MID1: variants seen among roughly 807,000 people sequenced by gnomAD.
MID1 encodes midline 1.
Under a neutral mutation model 40.4 loss-of-function variants are expected in MID1, and 7 were observed. The observed-to-expected ratio is 0.17, with a 90% CI of 0.10 to 0.33. The LOEUF (loss-of-function observed/expected upper bound fraction) is 0.33, where lower values mean the gene tolerates loss of function less well. Among genes scored for constraint, MID1 ranks in the 10% least tolerant of loss-of-function variants. The pLI is 1.00. For missense variants in MID1, 367 were observed against 558.5 expected, an observed-to-expected ratio of 0.66 and a Z score of 3.46; for synonymous variants, 229 against 221.2, an observed-to-expected ratio of 1.04 and a Z score of -0.31.
chrX:10,524,730 A>G (rs1021539641), intron 2 of MID1, among the ~76,000 whole-genome samples: 1 of 112,466 alleles, frequency 8.9e-6, no homozygotes, highest in East Asian at 2.8e-4. Flanking sequence ...GCTGCAAACA[A>G]GAGAAGGGAA....
chrX:10,474,360 C>T (rs1929882673), intron 6 of MID1, among the ~76,000 whole-genome samples: 2 of 111,726 alleles, frequency 1.8e-5, no homozygotes, highest in Admixed American at 1.9e-4. Flanking sequence ...TTAGCACCCA[C>T]ACCTTGAGAG....
chrX:10,590,957 A>T lies in MID1; in HGVS notation c.-56-23354T>A, dbSNP rs184946861. 2.4e-4 allele frequency among the ~76,000 whole-genome samples: 27 copies of T among 112,154 alleles called. No homozygotes were observed. In the East Asian group the frequency reaches 7.5e-3, roughly 31 times the overall value. On this transcript the variant is annotated intron_variant, in intron 1 of 9. Coordinates refer to ENST00000317552, the MANE Select transcript of MID1 (RefSeq NM_000381.4). ...TTTCATTTTAAACAATTTAATTCTC[A>T]TTGAAATGCATTTTAAGTGTGAGTT...
intron 1 of MID1, among the ~76,000 whole-genome samples, chrX:10,594,811 A>G (rs1935381575): frequency 8.9e-6 from 1 of 112,095 alleles, no homozygotes; most frequent in South Asian, 3.7e-4. Flanking sequence ...ACCATACAAG[A>G]CAAAGAATAT....
intron 1 of MID1, among the ~76,000 whole-genome samples, chrX:10,748,347 C>T (rs1031830908): frequency 1.2e-4 from 13 of 111,845 alleles, no homozygotes; most frequent in Non-Finnish European, 2.3e-4. Flanking sequence ...ATTAGGTATA[C>T]TTTGTGGAGT....
intron 1 of MID1, among the ~76,000 whole-genome samples, chrX:10,726,056 A>G (rs2043388426): frequency 8.9e-6 from 1 of 111,864 alleles, no homozygotes; most frequent in East Asian, 2.8e-4. Context: ...AAAAGCCACT[A>G]TGTATTTTAA....
intron 1 of MID1, among the ~76,000 whole-genome samples, chrX:10,716,587 C>T (rs1433527325): frequency 8.9e-6 from 1 of 111,830 alleles, no homozygotes; most frequent in East Asian, 2.8e-4. Flanking sequence ...CTGAAAGTGA[C>T]GGGGAGAATG....
At chrX:10,713,071 G>A (rs2043279634) in intron 1 of MID1, among the ~76,000 whole-genome samples, 1 of 111,177 alleles carries the variant, frequency 9.0e-6, no homozygotes, top group African/African-American at 3.3e-5. Context: ...TCCTGACCTT[G>A]TGATCCACCC....
intron 7 of MID1, among the ~76,000 whole-genome samples, chrX:10,462,966 A>C (rs1268836980): frequency 8.9e-6 from 1 of 112,153 alleles, no homozygotes; most frequent in Non-Finnish European, 1.9e-5. Flanking sequence ...AATTAAAAAC[A>C]GATAACTACT....
chrX:10,828,853 C>T (rs1230650175), intron 1 of MID1, among the ~76,000 whole-genome samples: 1 of 112,487 alleles, frequency 8.9e-6, no homozygotes, highest in Non-Finnish European at 1.9e-5. Flanking sequence ...ACTGATTGGC[C>T]TCATGCCCAG....
At chrX:10,529,197 C>A (rs889570080) in intron 2 of MID1, among the ~76,000 whole-genome samples, 1 of 111,907 alleles carries the variant, frequency 8.9e-6, no homozygotes, top group East Asian at 2.8e-4. Flanking sequence ...ACACTTATAC[C>A]ACAACCAAAT....
chrX:10,714,504 T>C (rs1429749991), intron 1 of MID1, among the ~76,000 whole-genome samples: 4 of 112,943 alleles, frequency 3.5e-5, no homozygotes, highest in Admixed American at 9.3e-5. Flanking sequence ...TCTTTGACAG[T>C]TGCTGATCTT....
At chrX:10,640,777 T>C (rs969787525) in intron 1 of MID1, among the ~76,000 whole-genome samples, 2 of 110,882 alleles carry the variant, frequency 1.8e-5, no homozygotes, top group African/African-American at 6.6e-5. Context: ...AAAGCACTCC[T>C]CAGCAAATGT....
chrX:10,819,640 C>T (rs867481983), intron 1 of MID1, among the ~76,000 whole-genome samples: 4 of 111,719 alleles, frequency 3.6e-5, no homozygotes, highest in Admixed American at 2.9e-4. Context: ...CATATTTGTT[C>T]TTTCTGGTCT....
chrX:10,455,182 G>T, intron 8 of MID1, 105 bp from the exon 9 acceptor site: 1 of 678,369 alleles, frequency 1.5e-6, no homozygotes, highest in Non-Finnish European at 2.3e-6. Flanking sequence ...ACAGGAACAA[G>T]CCAGCCCTCC....
chrX:10,817,524 C>CTTTA (rs2044144228), intron 1 of MID1, among the ~76,000 whole-genome samples: 1 of 82,145 alleles, frequency 1.2e-5, no homozygotes, highest in African/African-American at 4.5e-5. Context: ...CTCTTTCTTT[C>CTTTA]TTTCTTTCTT....
At chrX:10,811,909 T>C (rs1402358081) in intron 1 of MID1, among the ~76,000 whole-genome samples, 1 of 112,277 alleles carries the variant, frequency 8.9e-6, no homozygotes, top group Non-Finnish European at 1.9e-5. Context: ...ATCTTTCTTA[T>C]ATTTTTTGAT....
At chrX:10,580,664 A>G (rs969323017) in intron 1 of MID1, among the ~76,000 whole-genome samples, 3 of 111,370 alleles carry the variant, frequency 2.7e-5, no homozygotes, top group African/African-American at 9.9e-5. Flanking sequence ...AAGTAAAAAA[A>G]TATGTCTGAT....
At chrX:10,608,319 CTTTG>C (rs917238819) in intron 1 of MID1, among the ~76,000 whole-genome samples, 2 of 111,808 alleles carry the variant, frequency 1.8e-5, no homozygotes, top group African/African-American at 6.5e-5. Context: ...CTCATAGCAA[CTTTG>C]TTTGTAATAG....
intron 1 of MID1, among the ~76,000 whole-genome samples, chrX:10,682,150 A>T (rs961297618): frequency 1.8e-5 from 2 of 111,047 alleles, no homozygotes; most frequent in African/African-American, 6.5e-5. Flanking sequence ...AATAAAAAAA[A>T]ATGTTAATAT....
Sources: allele counts gnomAD v4.1 joint callset (sites outside exome capture counted in the v4.1 genomes callset), GRCh38; gene constraint gnomAD v4.1.1; transcripts MANE v1.5; gene names NCBI Gene and HGNC (gene_info 2026-07-23, HGNC 2026-07-21).